The following RARB variants were observed in gnomAD, a reference collection of about 807,000 sequenced individuals.
The protein encoded by RARB is retinoic acid receptor beta, also known as HBV-activated protein.
RARB carries 17 observed loss-of-function variants against 51.9 expected under a neutral mutation model. The ratio of observed to expected loss-of-function variants is 0.33; its 90% CI spans 0.22 to 0.49. The LOEUF is 0.49. Ranked by LOEUF, RARB falls within the 20% of genes least tolerant of loss-of-function variation. RARB has a pLI of 0.99. For synonymous variants in RARB, 215 were observed against 195.4 expected, an observed-to-expected ratio of 1.10 and a Z score of -0.84; for missense variants, 369 against 550.8, an observed-to-expected ratio of 0.67 and a Z score of 3.30.
intron 2 of RARB, among the ~76,000 whole-genome samples, chr3:24,966,020 C>A (rs1249166812): frequency 6.6e-6 from 1 of 151,838 alleles, no homozygotes; most frequent in African/African-American, 2.4e-5. Context: ...GCCTGGTTAG[C>A]CTTATTAAAG....
intron 2 of RARB, among the ~76,000 whole-genome samples, chr3:24,984,707 A>G (rs1375708484): frequency 6.6e-6 from 1 of 152,204 alleles, no homozygotes; most frequent in African/African-American, 2.4e-5. Context: ...ATAATACTGT[A>G]TATTATACTA....
At chr3:25,490,565 T>A (rs1317528572) in intron 2 of RARB, among the ~76,000 whole-genome samples, 2 of 152,218 alleles carry the variant, frequency 1.3e-5, no homozygotes, top group African/African-American at 2.4e-5. Flanking sequence ...CTCCTTCTGC[T>A]TACCTTTTTC....
intron 3 of RARB, among the ~76,000 whole-genome samples, chr3:25,089,916 C>T (rs561480036): frequency 6.6e-6 from 1 of 152,170 alleles, no homozygotes; most frequent in South Asian, 2.1e-4. Flanking sequence ...CGTCAAAGTC[C>T]CCACTGAATG....
intron 5 of RARB, among the ~76,000 whole-genome samples, chr3:25,329,597 G>A (rs556586707): frequency 1.3e-5 from 2 of 152,304 alleles, no homozygotes; most frequent in South Asian, 2.1e-4. Context: ...AAATCAGACT[G>A]CCTCTACTCC....
intron 4 of RARB, among the ~76,000 whole-genome samples, chr3:25,141,244 G>C (rs926869924): frequency 6.6e-6 from 1 of 151,942 alleles, no homozygotes; most frequent in East Asian, 1.9e-4. Context: ...ATATTTGCCT[G>C]TCCTTGCATG....
intron 7 of RARB, 79 bp from the exon 8 acceptor site, chr3:25,596,341 A>G (rs1701828094): frequency 1.8e-6 from 2 of 1,138,830 alleles, no homozygotes; most frequent in Non-Finnish European, 1.3e-6. Flanking sequence ...CTGTTAAAAT[A>G]TATGAAAATT....
chr3:25,570,382 C>T (rs1340369390), intron 4 of RARB, among the ~76,000 whole-genome samples: 2 of 152,180 alleles, frequency 1.3e-5, no homozygotes, highest in African/African-American at 4.8e-5. Context: ...CTGTGAAATC[C>T]AACCAAGATA....
intron 5 of RARB, among the ~76,000 whole-genome samples, chr3:25,257,788 A>T (rs77018982): frequency 0.011 from 1,692 of 151,788 alleles, 41 homozygotes; most frequent in African/African-American, 0.038. Context: ...CAGGCTCCTT[A>T]TTTCTTCCCA....
chr3:24,958,270 T>G (rs1195850377), intron 2 of RARB, among the ~76,000 whole-genome samples: 52 of 137,890 alleles, frequency 3.8e-4, no homozygotes, highest in African/African-American at 1.1e-3. Context: ...TTTTTTTTTT[T>G]TTTTTTTTTT....
At chr3:24,913,630 G>A (rs1045473537) in intron 2 of RARB, among the ~76,000 whole-genome samples, 68 of 152,126 alleles carry the variant, frequency 4.5e-4, no homozygotes, top group African/African-American at 1.5e-3. Context: ...CAAATGCCAG[G>A]AATTTCTTTC....
rs943972780 is a variant in RARB at position 25,493,152 on chromosome 3, A to G, written c.307-8030A>G. 1.1e-4 allele frequency among the ~76,000 whole-genome samples: 17 copies of G among 151,748 alleles called. No individual in the cohort carries two copies. The South Asian group carries it at 3.3e-3, about 30-fold the overall frequency. On this transcript the variant is annotated intron_variant, in intron 2 of 7. Transcript: ENST00000330688. ...TGTTCTTTTCATTACATTTATGCCC[A>G]CCCTCCCTGCCTAGAAGGAAACTCA...
chr3:25,568,920 T>C (rs1700601990), intron 3 of RARB, among the ~76,000 whole-genome samples: 1 of 152,232 alleles, frequency 6.6e-6, no homozygotes, highest in African/African-American at 2.4e-5. Flanking sequence ...ACACTCGGAT[T>C]TGAAGTCATC....
chr3:25,334,840 C>T (rs983424211), intron 5 of RARB, among the ~76,000 whole-genome samples: 2 of 152,156 alleles, frequency 1.3e-5, no homozygotes, highest in Admixed American at 6.6e-5. Flanking sequence ...ATGTATATTA[C>T]TTTCACAAAG....
At chr3:25,131,056 A>G (rs1699945156) in intron 3 of RARB, among the ~76,000 whole-genome samples, 1 of 151,340 alleles carries the variant, frequency 6.6e-6, no homozygotes, top group Non-Finnish European at 1.5e-5. Context: ...AATATTTATT[A>G]TTATTTCTTC....
At chr3:25,253,559 G>C (rs899496538) in intron 5 of RARB, among the ~76,000 whole-genome samples, 2 of 152,122 alleles carry the variant, frequency 1.3e-5, no homozygotes, top group African/African-American at 2.4e-5. Flanking sequence ...CCTGGGTATA[G>C]ATAATACTGA....
chr3:25,380,824 A>T (rs895658458), intron 5 of RARB, among the ~76,000 whole-genome samples: 4 of 151,778 alleles, frequency 2.6e-5, no homozygotes, highest in Non-Finnish European at 4.4e-5. Context: ...ACTCATCGTG[A>T]CTGGTTTTGT....
intron 2 of RARB, among the ~76,000 whole-genome samples, chr3:25,047,764 C>G (rs1276283759): frequency 6.6e-6 from 1 of 152,168 alleles, no homozygotes; most frequent in African/African-American, 2.4e-5. Flanking sequence ...CCCACTGTAC[C>G]ATACTGTCTA....
chr3:25,046,042 G>C (rs1022475444), intron 2 of RARB, among the ~76,000 whole-genome samples: 3 of 152,178 alleles, frequency 2.0e-5, no homozygotes, highest in Non-Finnish European at 4.4e-5. Flanking sequence ...CAACATGTTG[G>C]CTTTGTAAAT....
chr3:25,394,402 T>A (rs1707058665), intron 5 of RARB, among the ~76,000 whole-genome samples: 1 of 152,176 alleles, frequency 6.6e-6, no homozygotes, highest in Non-Finnish European at 1.5e-5. Flanking sequence ...TCAGTAAATA[T>A]CTGTTAAGTT....
Sources: allele counts gnomAD v4.1 joint callset (sites outside exome capture counted in the v4.1 genomes callset), GRCh38; gene constraint gnomAD v4.1.1; transcripts MANE v1.5; gene names NCBI Gene and HGNC (gene_info 2026-07-23, HGNC 2026-07-21).